Variants in SLC5A5 observed in about 807,000 individuals in gnomAD.
The protein encoded by SLC5A5 is sodium/iodide cotransporter.
In SLC5A5, 56 loss-of-function variants were observed where a neutral mutation model predicts 68.6. The observed-to-expected ratio is 0.82, with a 90% CI of 0.66 to 1.02. The LOEUF (loss-of-function observed/expected upper bound fraction) is 1.02, where lower values mean the gene tolerates loss of function less well. SLC5A5 is among the 50% of genes least tolerant of loss of function. The pLI, the probability that SLC5A5 is intolerant of heterozygous loss-of-function variation, is 0.00. For missense variants in SLC5A5, 807 were observed against 859.8 expected, an observed-to-expected ratio of 0.94 and a Z score of 0.77; for synonymous variants, 398 against 373.0, an observed-to-expected ratio of 1.07 and a Z score of -0.77.
intron 7 of SLC5A5, 119 bp downstream of exon 7, chr19:17,878,212 G>A (rs2094312267): frequency 1.6e-6 from 2 of 1,221,722 alleles, no homozygotes; most frequent in East Asian, 4.8e-5. Context: ...AAGTAGGAAA[G>A]AGCTGAGAGG....
At position 17,877,962 on chromosome 19, in the gene SLC5A5, A is replaced by C; in HGVS notation, c.840-2A>C. The C allele has an allele frequency of 6.2e-7, 1 of 1,613,406 alleles. No individual in the cohort carries two copies. The highest frequency in any genetic ancestry group is 8.5e-7 in the Non-Finnish European group (1 of 1,179,978). Reference sequence around the variant, plus strand: ...TAAGCCTGAGGCTGCCTCTTCCCCCAGGGCCCTGCTCATCAACCAGGTCGG... The same window carrying C: ...TAAGCCTGAGGCTGCCTCTTCCCCCCGGGCCCTGCTCATCAACCAGGTCGG... On this transcript the variant is annotated splice_acceptor_variant, in intron 6 of 14. Coordinates refer to ENST00000222248, the MANE Select transcript of SLC5A5 (RefSeq NM_000453.3). LOFTEE classifies it high-confidence loss of function.
Position 17,872,543 on chromosome 19 carries a change from G to A in SLC5A5, c.224G>A (p.Gly75Asp), listed in dbSNP as rs762377388. ...ASFMSAVQVLGVPSEAYRYGL... is the reference protein window; with the variant it reads ...ASFMSAVQVLDVPSEAYRYGL... ...TTCATGTCGGCCGTGCAGGTGCTGG[G>A]CGTGCCGTCGGAGGCCTATCGCTAT... The change falls in exon 1 of 15, where the codon GGC (glycine) becomes GAC (aspartate). Residue 75 changes from glycine to aspartate, a missense_variant. By Grantham distance (94) the Gly-to-Asp change is moderately conservative (BLOSUM62 -1). Transcript: ENST00000222248. 8.1e-6 allele frequency: 13 copies of A among 1,612,666 alleles called. No individual in the cohort carries two copies. The highest frequency in any genetic ancestry group is 3.3e-5 in the Admixed American group (2 of 60,008).
At chr19:17,881,325 G>A (rs1211299029) in intron 8 of SLC5A5, among the ~76,000 whole-genome samples, 1 of 151,622 alleles carries the variant, frequency 6.6e-6, no homozygotes, top group East Asian at 1.9e-4. Flanking sequence ...GGAGTGCAGT[G>A]GTGCCATCTC....
rs556871235 is a variant in SLC5A5, at chr19:17,887,951, G to C, written c.1527-380G>C. Among the ~76,000 whole-genome samples the C allele has an allele frequency of 1.1e-4, 17 of 152,052 alleles. No individual in the cohort carries two copies. In the East Asian group the frequency reaches 3.1e-3, roughly 28 times the overall value. Reference sequence around the variant, plus strand: ...GTCCAATTGATTTATTTTTTTCTTTGGTGGCTTTTGCTTTTGGCGTCATAT... The same window carrying C: ...GTCCAATTGATTTATTTTTTTCTTTCGTGGCTTTTGCTTTTGGCGTCATAT... On this transcript the variant is annotated intron_variant, in intron 12 of 14. Coordinates refer to ENST00000222248, the MANE Select transcript of SLC5A5 (RefSeq NM_000453.3).
In SLC5A5 at chr19:17,894,143, C is replaced by CA. The variant is rs2030317925; in HGVS notation, c.*266_*267insA. 2 of 263,148 alleles carry CA rather than the reference C, an allele frequency of 7.6e-6. No individual in the cohort carries two copies. Among genetic ancestry groups the CA allele is most frequent in the Non-Finnish European group, 1.4e-5 (2 of 143,112 alleles). 16.3% of individuals were successfully genotyped at this position (263,148 alleles called of 1,614,324 possible). ...AATAAGGCTGGGTTTTTCTCTCTCT[C>CA]TTTTTTTTTTTTTTTTTTTTTTGAG... On this transcript the variant is annotated 3_prime_UTR_variant, in exon 15 of 15. Transcript: ENST00000222248.
rs188334435 is a variant in SLC5A5 at position 17,894,230 on chromosome 19, C to T, written c.*353C>T. 578 of 238,334 alleles carry T rather than the reference C, an allele frequency of 2.4e-3. 9 individuals are homozygous for T. Among genetic ancestry groups the T allele is most frequent in the East Asian group, 0.016 (142 of 8,936 alleles). 14.8% of individuals were successfully genotyped at this position (238,334 alleles called of 1,614,324 possible). A position where few individuals can be genotyped will look rare whatever the true frequency, so the allele number is the denominator to read the frequency against. ...TGGTGTGATCTCGGCTCACTGCAAC[C>T]TCTGCCTCCCAGGCTCAAGTGATTC... On this transcript the variant is annotated 3_prime_UTR_variant, in exon 15 of 15. Transcript: ENST00000222248.
chr19:17,888,908 A>C (rs1173456133), intron 13 of SLC5A5, among the ~76,000 whole-genome samples: 1 of 151,472 alleles, frequency 6.6e-6, no homozygotes, highest in South Asian at 2.1e-4. Flanking sequence ...GGTGTGAGCC[A>C]CTGCACCTGG....
intron 6 of SLC5A5, 36 bp downstream of exon 6, chr19:17,877,899 G>A: frequency 6.2e-7 from 1 of 1,613,656 alleles, no homozygotes; most frequent in Non-Finnish European, 8.5e-7. Context: ...GGGTTTCTGG[G>A]ACATGCTGCC....
chr19:17,885,041 C>T (rs997566117), intron 12 of SLC5A5, among the ~76,000 whole-genome samples: 2 of 148,906 alleles, frequency 1.3e-5, no homozygotes. Flanking sequence ...GGGTCTTGCT[C>T]TGTTGCCCAG....
intron 14 of SLC5A5, among the ~76,000 whole-genome samples, chr19:17,892,714 A>AACGTG (rs2030235156): frequency 1.4e-5 from 2 of 141,750 alleles, no homozygotes; most frequent in South Asian, 2.3e-4. Context: ...TAAAAAGAAA[A>AACGTG]ACGTGTAGGG....
In SLC5A5 at chr19:17,872,137, A is replaced by G; in HGVS notation, c.-183A>G. 1.7e-6 allele frequency: 1 copy of G among 593,328 alleles called. No homozygotes were observed. The allele number at this position is 593,328 out of a possible 1,614,324, so 36.8% of individuals were successfully genotyped here. ...AGGCCGACACGGACATCGACAGCCC[A>G]TAGATTCCTAACCCAGGGAGCCCCG... is the stretch of plus-strand genomic sequence containing the variant. On this transcript the variant is annotated 5_prime_UTR_variant, in exon 1 of 15. Transcript: ENST00000222248.
Position 17,881,849 on chromosome 19 carries a change from G to C in SLC5A5, c.1059-111G>C, listed in dbSNP as rs1021192976. ...GCAAATATCTCCTTCACCTTTGCAG[G>C]ACTGGGTTACCCCCACCGTTGCCCT... On this transcript the variant is annotated intron_variant, in intron 8 of 14. Coordinates refer to ENST00000222248, the MANE Select transcript of SLC5A5 (RefSeq NM_000453.3). The C allele has an allele frequency of 1.0e-5, 8 of 784,854 alleles. No individual in the cohort carries two copies. In the Admixed American group the frequency reaches 1.4e-4, roughly 14 times the overall value. 48.6% of individuals were successfully genotyped at this position (784,854 alleles called of 1,614,324 possible). A position where few individuals can be genotyped will look rare whatever the true frequency, so the allele number is the denominator to read the frequency against.
chr19:17,872,218 T>TAGCC lies in SLC5A5; in HGVS notation c.-102_-101insAGCC. 2.2e-6 allele frequency: 1 copy of TAGCC among 456,252 alleles called. No homozygotes were observed. Among genetic ancestry groups the TAGCC allele is most frequent in the Non-Finnish European group, 4.2e-6 (1 of 238,854 alleles). The allele number at this position is 456,252 out of a possible 1,614,324, so 28.3% of individuals were successfully genotyped here. ...AGCGGGGACAGGCTGCCGAGCATCCTCCCACCCGCCCTCCCCGTCCTGCCT... is the reference window on the plus strand; with the variant it reads ...AGCGGGGACAGGCTGCCGAGCATCCTAGCCCCCACCCGCCCTCCCCGTCCTGCCT... On this transcript the variant is annotated 5_prime_UTR_variant, in exon 1 of 15. Transcript: ENST00000222248.
At chr19:17,890,747 C>T (rs933718077) in intron 13 of SLC5A5, 139 bp from the exon 14 acceptor site, 27 of 699,300 alleles carry the variant, frequency 3.9e-5, no homozygotes, top group South Asian at 2.9e-4. Context: ...CAGAGGCTTG[C>T]CAGGGTCCCT....
chr19:17,884,155 T>A (rs1285961805), intron 12 of SLC5A5, 109 bp downstream of exon 12: 4 of 1,021,600 alleles, frequency 3.9e-6, no homozygotes, highest in Non-Finnish European at 5.9e-6. Flanking sequence ...GTAAAATGCA[T>A]TCCTGGGGGA....
At chr19:17,885,747 C>T (rs933535723) in intron 12 of SLC5A5, among the ~76,000 whole-genome samples, 1 of 152,134 alleles carries the variant, frequency 6.6e-6, no homozygotes, top group Non-Finnish European at 1.5e-5. Context: ...CCACTTCCCC[C>T]TCTCCCCAGC....
Position 17,874,243 on chromosome 19 carries a change from G to A in SLC5A5, c.423+40G>A, listed in dbSNP as rs758125169. 4.1e-6 allele frequency: 6 copies of A among 1,455,210 alleles called. No individual in the cohort carries two copies. In the East Asian group the frequency reaches 6.8e-5, roughly 17 times the overall value. The allele number at this position is 1,455,210 out of a possible 1,614,324, so 90.1% of individuals were successfully genotyped here. A position where few individuals can be genotyped will look rare whatever the true frequency, so the allele number is the denominator to read the frequency against. On this transcript the variant is annotated intron_variant, in intron 2 of 14. Transcript: ENST00000222248. Reference sequence around the variant, plus strand: ...CCCCGCCCTCCGCTCAGGGCCCCGAGAGCGTCAGCCTTCACTAGCCCGGCC... The same window carrying A: ...CCCCGCCCTCCGCTCAGGGCCCCGAAAGCGTCAGCCTTCACTAGCCCGGCC...
chr19:17,888,192 G>A, intron 12 of SLC5A5, 139 bp from the exon 13 acceptor site: 1 of 1,047,710 alleles, frequency 9.5e-7, no homozygotes, highest in Non-Finnish European at 1.4e-6. Context: ...CTACTGCACA[G>A]ATCTGGGCAG....
chr19:17,894,126 T>G lies in SLC5A5; in HGVS notation c.*249T>G. On this transcript the variant is annotated 3_prime_UTR_variant, in exon 15 of 15. Transcript: ENST00000222248. The stretch of plus-strand genomic sequence containing the variant: ...CCTGACGGCTCCCCCCAAATAAGGC[T>G]GGGTTTTTCTCTCTCTCTTTTTTTT... The G allele has an allele frequency of 2.2e-6, 1 of 464,126 alleles. No individual in the cohort carries two copies. 28.8% of individuals were successfully genotyped at this position (464,126 alleles called of 1,614,324 possible).
Sources: gnomAD v4.1 joint callset for allele counts (sites outside exome capture counted in the v4.1 genomes callset) on GRCh38, gnomAD v4.1.1 for gene constraint, MANE v1.5 for transcripts, NCBI Gene and HGNC (gene_info 2026-07-23, HGNC 2026-07-21) for gene names.